NCKAP5: variants seen among roughly 807,000 people sequenced by gnomAD.
The protein encoded by NCKAP5 is NCK associated protein 5, also known as nck-associated protein 5.
In NCKAP5, 92 loss-of-function variants were observed where a neutral mutation model predicts 167.0. The ratio of observed to expected loss-of-function variants is 0.55; its 90% confidence interval spans 0.47 to 0.66. The LOEUF is 0.66. Among genes scored for constraint, NCKAP5 ranks in the 30% least tolerant of loss-of-function variants. NCKAP5 has a pLI of 0.00. For missense variants in NCKAP5, 2,378 were observed against 2,315.0 expected, an observed-to-expected ratio of 1.03 and a Z score of -0.56; for synonymous variants, 891 against 877.4, an observed-to-expected ratio of 1.02 and a Z score of -0.27.
At chr2:132,893,075 A>T (rs1008779100) in intron 8 of NCKAP5, among the ~76,000 whole-genome samples, 1 of 152,142 alleles carries the variant, frequency 6.6e-6, no homozygotes, top group African/African-American at 2.4e-5. Flanking sequence ...CAAAAGAGGA[A>T]GCCACTTATA....
At chr2:133,542,450 G>A (rs1686301955) in intron 2 of NCKAP5, among the ~76,000 whole-genome samples, 2 of 152,126 alleles carry the variant, frequency 1.3e-5, no homozygotes, top group Admixed American at 1.3e-4. Context: ...ATTTGCTTCA[G>A]GTAAACGGGG....
chr2:133,188,813 A>G (rs530377006), intron 5 of NCKAP5, among the ~76,000 whole-genome samples: 3 of 152,298 alleles, frequency 2.0e-5, no homozygotes, highest in Admixed American at 2.0e-4. Flanking sequence ...ATAGCACTAA[A>G]TGCCCACAAG....
At chr2:133,364,463 A>T (rs1199063545) in intron 3 of NCKAP5, among the ~76,000 whole-genome samples, 1 of 152,154 alleles carries the variant, frequency 6.6e-6, no homozygotes, top group Non-Finnish European at 1.5e-5. Context: ...GCTTCCCATA[A>T]TATTAATATA....
chr2:133,373,243 G>C (rs540154452), intron 3 of NCKAP5, among the ~76,000 whole-genome samples: 4 of 151,964 alleles, frequency 2.6e-5, no homozygotes, highest in African/African-American at 9.7e-5. Flanking sequence ...ATTTTTATTA[G>C]AGACAGGGTT....
intron 5 of NCKAP5, among the ~76,000 whole-genome samples, chr2:133,177,313 A>G (rs570557802): frequency 5.1e-4 from 78 of 152,202 alleles, no homozygotes; most frequent in African/African-American, 1.8e-3. Context: ...AAGAAAACGA[A>G]AAAAGGAACA....
At chr2:133,659,002 T>A in the NCKAP5 span, among the ~76,000 whole-genome samples, 11 of 152,128 alleles carry the variant, frequency 7.2e-5, no homozygotes, top group Non-Finnish European at 1.6e-4. Context: ...ATTTAATTTT[T>A]AAAAATTTAA....
chr2:133,280,829 G>A (rs1031616514), intron 4 of NCKAP5, among the ~76,000 whole-genome samples: 1 of 152,060 alleles, frequency 6.6e-6, no homozygotes, highest in Non-Finnish European at 1.5e-5. Flanking sequence ...TTACAAAATT[G>A]AGCAATTTGT....
intron 19 of NCKAP5, among the ~76,000 whole-genome samples, chr2:132,718,156 C>T (rs1301710868): frequency 6.6e-6 from 1 of 152,120 alleles, no homozygotes; most frequent in East Asian, 1.9e-4. Context: ...TTGAACCTTC[C>T]CTACTCCTTA....
chr2:132,726,895 G>A (rs963642715), intron 18 of NCKAP5, among the ~76,000 whole-genome samples: 2 of 152,226 alleles, frequency 1.3e-5, no homozygotes, highest in Non-Finnish European at 2.9e-5. Context: ...TCTACTGACT[G>A]TAGTTCTGGG....
chr2:133,297,825 T>A (rs1405940986), intron 4 of NCKAP5, among the ~76,000 whole-genome samples: 1 of 152,122 alleles, frequency 6.6e-6, no homozygotes. Context: ...CCAGTTAACA[T>A]TAGCAGCAAT....
chr2:133,647,713 A>AAGG, the NCKAP5 span, among the ~76,000 whole-genome samples: 4 of 85,712 alleles, frequency 4.7e-5, no homozygotes, highest in East Asian at 1.4e-3. Flanking sequence ...AAAGAAAAAG[A>AAGG]AAGGAAGGAA....
At position 132,672,939 on chromosome 2, in the gene NCKAP5, T is replaced by C. The variant is rs1376464489; in HGVS notation, c.*350A>G. 25 of 965,660 alleles carry C rather than the reference T, an allele frequency of 2.6e-5. No homozygotes were observed. Among genetic ancestry groups the C allele is most frequent in the Non-Finnish European group, 3.1e-5 (25 of 811,402 alleles). The allele number at this position is 965,660 out of a possible 1,614,324, so 59.8% of individuals were successfully genotyped here. On this transcript the variant is annotated 3_prime_UTR_variant, in exon 20 of 20. Transcript: ENST00000409261. ...CTGGTACTGCAATAGTTTATTGTTA[T>C]CTCTATCAAGCGGTGCACCCCCCAC...
At chr2:133,218,904 A>AT (rs1488247639) in intron 4 of NCKAP5, among the ~76,000 whole-genome samples, 9 of 152,208 alleles carry the variant, frequency 5.9e-5, no homozygotes, top group Admixed American at 5.9e-4. Context: ...GAAAACCATA[A>AT]TGGTTTTAGT....
chr2:133,603,504 C>G, the NCKAP5 span, among the ~76,000 whole-genome samples: 1 of 152,060 alleles, frequency 6.6e-6, no homozygotes, highest in Non-Finnish European at 1.5e-5. Flanking sequence ...GGATTACAGG[C>G]GTGAGCCACC....
the NCKAP5 span, among the ~76,000 whole-genome samples, chr2:133,655,323 ATT>A: frequency 6.6e-6 from 1 of 152,180 alleles, no homozygotes; most frequent in Non-Finnish European, 1.5e-5. Flanking sequence ...TAAGGCCCAT[ATT>A]GAGAATTTGT....
chr2:133,471,272 C>A (rs1291152220), intron 3 of NCKAP5, among the ~76,000 whole-genome samples: 1 of 152,188 alleles, frequency 6.6e-6, no homozygotes, highest in Non-Finnish European at 1.5e-5. Flanking sequence ...CGAACAGCCA[C>A]TTTACTCCTG....
chr2:133,468,911 C>T (rs1367146909), intron 3 of NCKAP5, among the ~76,000 whole-genome samples: 6 of 152,102 alleles, frequency 3.9e-5, no homozygotes, highest in Admixed American at 6.5e-5. Context: ...TGTCTCTGAA[C>T]GTAAGATGGG....
At chr2:133,635,390 C>T in the NCKAP5 span, among the ~76,000 whole-genome samples, 1 of 152,166 alleles carries the variant, frequency 6.6e-6, no homozygotes, top group Non-Finnish European at 1.5e-5. Context: ...AATGCATAAA[C>T]TAGTTGCTGA....
intron 3 of NCKAP5, among the ~76,000 whole-genome samples, chr2:133,458,533 A>T (rs1026537490): frequency 7.2e-5 from 11 of 152,132 alleles, no homozygotes; most frequent in African/African-American, 2.4e-4. Flanking sequence ...ATTATTTCCT[A>T]TCCCCACAAT....
Sources: gnomAD v4.1 joint callset for allele counts (sites outside exome capture counted in the v4.1 genomes callset) on GRCh38, gnomAD v4.1.1 for gene constraint, MANE v1.5 for transcripts, NCBI Gene and HGNC (gene_info 2026-07-23, HGNC 2026-07-21) for gene names.